The following BLNK variants were observed in gnomAD, a reference collection of about 807,000 sequenced individuals.
BLNK encodes the protein B cell linker.
A neutral mutation model predicts 73.5 loss-of-function variants in BLNK; 29 were observed. The observed-to-expected ratio is 0.39, with a 90% CI of 0.29 to 0.54. The LOEUF (loss-of-function observed/expected upper bound fraction) is 0.54, where lower values mean the gene tolerates loss of function less well. Among genes scored for constraint, BLNK ranks in the 20% least tolerant of loss-of-function variants. The pLI, the probability that BLNK is intolerant of heterozygous loss-of-function variation, is 0.61. For synonymous variants in BLNK, 176 were observed against 200.8 expected, an observed-to-expected ratio of 0.88 and a Z score of 1.04; for missense variants, 460 against 562.8, an observed-to-expected ratio of 0.82 and a Z score of 1.85.
At chr10:96,232,187 C>T (rs75025927) in intron 3 of BLNK, among the ~76,000 whole-genome samples, 19,712 of 152,196 alleles carry the variant, frequency 0.13, 1,503 homozygotes, top group South Asian at 0.32. Context: ...ATGACAGCAC[C>T]ACAGAGGGTC....
chr10:96,193,765 A>G (rs1330339040), intron 16 of BLNK, among the ~76,000 whole-genome samples: 1 of 152,220 alleles, frequency 6.6e-6, no homozygotes, highest in African/African-American at 2.4e-5. Flanking sequence ...CACAGTGCCA[A>G]AATAGCTGCA....
At chr10:96,237,417 C>T (rs1327272074) in intron 3 of BLNK, among the ~76,000 whole-genome samples, 2 of 152,138 alleles carry the variant, frequency 1.3e-5, no homozygotes, top group African/African-American at 2.4e-5. Flanking sequence ...CTCCTCCCTG[C>T]ATGATAGCAG....
intron 3 of BLNK, among the ~76,000 whole-genome samples, chr10:96,240,305 C>T (rs755086489): frequency 6.6e-5 from 10 of 152,154 alleles, no homozygotes; most frequent in Non-Finnish European, 1.3e-4. Context: ...AGAAAATGTG[C>T]GAAACAGCTG....
chr10:96,267,437 C>A (rs1844054493), intron 1 of BLNK, among the ~76,000 whole-genome samples: 1 of 152,058 alleles, frequency 6.6e-6, no homozygotes, highest in Non-Finnish European at 1.5e-5. Flanking sequence ...CAGGGAGGAT[C>A]TGAGAGACAG....
intron 6 of BLNK, 84 bp downstream of exon 6, chr10:96,223,742 G>T: frequency 6.6e-7 from 1 of 1,514,370 alleles, no homozygotes; most frequent in Non-Finnish European, 9.1e-7. Context: ...TAAAGAAGGA[G>T]GACAGCCAGC....
In BLNK at chr10:96,227,640, T is replaced by C. The variant is rs938451440; in HGVS notation, c.205-74A>G. ...CCTGGCCGTCAGGACCATTCCTGCC[T>C]TGGGAGGCCAGAGCAGTGACAGGAG... On this transcript the variant is annotated intron_variant, in intron 4 of 16. Transcript: ENST00000224337. 3.7e-6 allele frequency: 6 copies of C among 1,604,912 alleles called. No individual in the cohort carries two copies. In the African/African-American group the frequency reaches 8.0e-5, roughly 21 times the overall value.
intron 1 of BLNK, among the ~76,000 whole-genome samples, chr10:96,256,052 C>G (rs530446629): frequency 1.1e-3 from 166 of 152,248 alleles, no homozygotes; most frequent in Non-Finnish European, 1.7e-3. Context: ...AGGAAAAGGG[C>G]CAGGCGTGGT....
At chr10:96,207,966 A>G in intron 9 of BLNK, 67 bp from the exon 10 acceptor site, 1 of 1,510,648 alleles carries the variant, frequency 6.6e-7, no homozygotes, top group Non-Finnish European at 9.2e-7. Flanking sequence ...ATTTACCATT[A>G]TTTTAGTCTC....
Position 96,190,639 on chromosome 10 carries a change from G to A in BLNK, c.*1334C>T, listed in dbSNP as rs913704307. The stretch of plus-strand genomic sequence containing the variant: ...GTTACCCTGAAATTATTACCTTCTG[G>A]CCTTTCAACATACTTTCATAGATTG... On this transcript the variant is annotated 3_prime_UTR_variant, in exon 17 of 17. Coordinates refer to ENST00000224337, the MANE Select transcript of BLNK (RefSeq NM_013314.4). Among the ~76,000 whole-genome samples, 1 of 152,122 alleles carries A rather than the reference G, an allele frequency of 6.6e-6. No individual in the cohort carries two copies. Among genetic ancestry groups the A allele is most frequent in the South Asian group, 2.1e-4 (1 of 4,824 alleles).
At chr10:96,220,628 T>G (rs1276999550) in intron 6 of BLNK, among the ~76,000 whole-genome samples, 1 of 152,222 alleles carries the variant, frequency 6.6e-6, no homozygotes, top group Non-Finnish European at 1.5e-5. Flanking sequence ...CTGCAGTGTT[T>G]TAATACCAAC....
intron 4 of BLNK, among the ~76,000 whole-genome samples, chr10:96,230,016 T>C (rs181900894): frequency 6.6e-6 from 1 of 152,284 alleles, no homozygotes; most frequent in African/African-American, 2.4e-5. Flanking sequence ...TATGTGGTTG[T>C]ATGGAAGGCT....
Position 96,189,712 on chromosome 10 carries a change from T to G in BLNK, c.*2261A>C, listed in dbSNP as rs2083299248. On this transcript the variant is annotated 3_prime_UTR_variant, in exon 17 of 17. Transcript: ENST00000224337. Reference sequence around the variant, plus strand: ...CTCATCATCAAAATCATCATCATCATCATCATCATCATCATCATCATCTTC... The same window carrying G: ...CTCATCATCAAAATCATCATCATCAGCATCATCATCATCATCATCATCTTC... 4.2e-6 allele frequency: 3 copies of G among 712,350 alleles called. No individual in the cohort carries two copies. The highest frequency in any genetic ancestry group is 4.2e-5 in the South Asian group (3 of 71,332). 44.1% of individuals were successfully genotyped at this position (712,350 alleles called of 1,614,324 possible).
chr10:96,200,306 A>T lies in BLNK; in HGVS notation c.1012-148T>A, dbSNP rs1335452948. On this transcript the variant is annotated intron_variant, in intron 14 of 16. Transcript: ENST00000224337. The surrounding 1 kb of genome is among the most constrained non-coding windows in gnomAD (Gnocchi z 4.3). ...TAAGATGAGTTTTATTTTTCCTTTG[A>T]TCAAACACAAGGATTATACCGTTAA... 1.6e-6 allele frequency: 1 copy of T among 638,848 alleles called. No individual in the cohort carries two copies. The allele number at this position is 638,848 out of a possible 1,614,324, so 39.6% of individuals were successfully genotyped here. A position where few individuals can be genotyped will look rare whatever the true frequency, so the allele number is the denominator to read the frequency against.
At chr10:96,250,723 G>A (rs1339654760) in intron 1 of BLNK, among the ~76,000 whole-genome samples, 4 of 152,198 alleles carry the variant, frequency 2.6e-5, no homozygotes, top group East Asian at 3.8e-4. Flanking sequence ...GATGCAAAAT[G>A]TTGCAAAAGA....
chr10:96,244,172 GTGGGC>G (rs1225994559), intron 2 of BLNK, among the ~76,000 whole-genome samples: 5 of 152,088 alleles, frequency 3.3e-5, no homozygotes, highest in African/African-American at 1.2e-4. Flanking sequence ...AGCCAGCAGG[GTGGGC>G]TGGGAAGATA....
At chr10:96,206,138 A>G (rs1591306029) in intron 11 of BLNK, among the ~76,000 whole-genome samples, 1 of 152,210 alleles carries the variant, frequency 6.6e-6, no homozygotes, top group South Asian at 2.1e-4. Flanking sequence ...GTTGTAGTGC[A>G]TGCTCAGAAA....
In BLNK at chr10:96,266,937, G is replaced by A. The variant is rs180742315; in HGVS notation, c.47+4415C>T. ...ACTTCAGTCCATGTTGTCTCACTTG[G>A]TCTTCACACAAGCCTGTGAGGAAGG... is the stretch of plus-strand genomic sequence containing the variant. On this transcript the variant is annotated intron_variant, in intron 1 of 16. Coordinates refer to ENST00000224337, the MANE Select transcript of BLNK (RefSeq NM_013314.4). 9.8e-5 allele frequency among the ~76,000 whole-genome samples: 15 copies of A among 152,304 alleles called. No individual in the cohort carries two copies. The East Asian group carries it at 2.3e-3, about 23-fold the overall frequency.
intron 9 of BLNK, among the ~76,000 whole-genome samples, chr10:96,208,496 A>G (rs909859425): frequency 1.4e-4 from 21 of 152,272 alleles, no homozygotes; most frequent in Admixed American, 1.0e-3. Flanking sequence ...TCCTGAAGGT[A>G]CTTGCCTGCA....
At chr10:96,206,792 A>G (rs1321685588) in intron 11 of BLNK, among the ~76,000 whole-genome samples, 2 of 152,216 alleles carry the variant, frequency 1.3e-5, no homozygotes, top group East Asian at 1.9e-4. Context: ...TGTCTGCCAA[A>G]AGGCAGGTTT....
Sources: gnomAD v4.1 joint callset for allele counts (sites outside exome capture counted in the v4.1 genomes callset) on GRCh38, gnomAD v4.1.1 for gene constraint, Gnocchi (gnomAD v3.1) non-coding constraint, MANE v1.5 for transcripts, NCBI Gene and HGNC (gene_info 2026-07-23, HGNC 2026-07-21) for gene names.